Variants in VIPR2 observed in about 807,000 individuals in gnomAD.
VIPR2 encodes vasoactive intestinal peptide receptor 2.
Under a neutral mutation model 58.0 loss-of-function variants are expected in VIPR2, and 48 were observed. The observed-to-expected ratio is 0.83, with a 90% confidence interval of 0.66 to 1.05. The LOEUF (loss-of-function observed/expected upper bound fraction) is 1.05. Among genes scored for constraint, VIPR2 ranks in the 50% least tolerant of loss-of-function variants. The pLI is 0.00. For synonymous variants in VIPR2, 243 were observed against 235.2 expected (o/e 1.03, Z -0.30); for missense variants, 534 against 558.0 (o/e 0.96, Z 0.43).
Position 159,134,802 on chromosome 7 carries a change from C to A in VIPR2, c.151+7644G>T, listed in dbSNP as rs560510330. On this transcript the variant is annotated intron_variant, in intron 2 of 12. Coordinates refer to ENST00000262178, the MANE Select transcript of VIPR2 (RefSeq NM_003382.5). Reference sequence around the variant, plus strand: ...CCTCCTGAGTAGCTGGGACTAGAGGCGCCCGCCACCACGCCCGGCTAATTT... The same window carrying A: ...CCTCCTGAGTAGCTGGGACTAGAGGAGCCCGCCACCACGCCCGGCTAATTT... Among the ~76,000 whole-genome samples, 4 of 151,752 alleles carry A rather than the reference C, an allele frequency of 2.6e-5. No individual in the cohort carries two copies. The South Asian group carries it at 6.2e-4, about 24-fold the overall frequency.
rs1487014358 is a variant in VIPR2, at chr7:159,097,457, C to T, written c.357+6300G>A. Among the ~76,000 whole-genome samples the T allele has an allele frequency of 6.6e-6, 1 of 152,136 alleles. No individual in the cohort carries two copies. The highest frequency in any genetic ancestry group is 2.4e-5 in the African/African-American group (1 of 41,434). Reference sequence around the variant, plus strand: ...GCCCACCACGGTGTGCTGCTGAGGCCATTCCCGGGAACGCCACACTCCGCC... The same window carrying T: ...GCCCACCACGGTGTGCTGCTGAGGCTATTCCCGGGAACGCCACACTCCGCC... On this transcript the variant is annotated intron_variant, in intron 4 of 12. Coordinates refer to ENST00000262178, the MANE Select transcript of VIPR2 (RefSeq NM_003382.5). This position sits in a 1 kb window ranked among gnomAD's most constrained non-coding sequence, Gnocchi z 5.3.
chr7:159,139,335 C>T (rs775823943), intron 2 of VIPR2, among the ~76,000 whole-genome samples: 3 of 152,174 alleles, frequency 2.0e-5, no homozygotes, highest in Non-Finnish European at 2.9e-5. Flanking sequence ...TGCACTGCAT[C>T]GGAGGGGGCC....
At chr7:159,071,354 C>T (rs888630404) in intron 4 of VIPR2, among the ~76,000 whole-genome samples, 3 of 152,242 alleles carry the variant, frequency 2.0e-5, no homozygotes, top group Non-Finnish European at 4.4e-5. Context: ...GGCTTCCTTC[C>T]TCCTGGGTCC....
chr7:159,123,960 A>C (rs1166235252), intron 2 of VIPR2, among the ~76,000 whole-genome samples: 3 of 152,052 alleles, frequency 2.0e-5, no homozygotes, highest in African/African-American at 7.2e-5. Context: ...CTTTTGAAAA[A>C]TGTCTGTTCA....
At chr7:159,142,696 G>A (rs775110629) in intron 1 of VIPR2, 151 bp from the exon 2 acceptor site, 10 of 543,108 alleles carry the variant, frequency 1.8e-5, no homozygotes, top group Non-Finnish European at 3.2e-5. Context: ...TGATTTTTCT[G>A]GCATTTTTTA....
intron 4 of VIPR2, among the ~76,000 whole-genome samples, chr7:159,091,326 C>T (rs1436827613): frequency 5.3e-5 from 8 of 152,206 alleles, no homozygotes; most frequent in South Asian, 2.1e-4. Flanking sequence ...CCTTCTGAGC[C>T]GTGTCCCTGT....
Position 159,093,303 on chromosome 7 carries a change from G to T in VIPR2, c.357+10454C>A, listed in dbSNP as rs940476711. ...AACGTCAACACAGGAGGCTGGTCTC[G>T]TCCATCTTCTCAGAGGTCATCCTTC... On this transcript the variant is annotated intron_variant, in intron 4 of 12. Coordinates refer to ENST00000262178, the MANE Select transcript of VIPR2 (RefSeq NM_003382.5). The surrounding 1 kb of genome is among the most constrained non-coding windows in gnomAD (Gnocchi z 6.7). Among the ~76,000 whole-genome samples, 1 of 152,136 alleles carries T rather than the reference G, an allele frequency of 6.6e-6. No homozygotes were observed. The highest frequency in any genetic ancestry group is 2.4e-5 in the African/African-American group (1 of 41,434).
intron 4 of VIPR2, among the ~76,000 whole-genome samples, chr7:159,062,212 T>C (rs1855720764): frequency 1.3e-5 from 2 of 152,180 alleles, no homozygotes; most frequent in African/African-American, 4.8e-5. Context: ...GGGTTCAGCC[T>C]GAGCCCCGGC....
chr7:159,058,369 T>C, intron 5 of VIPR2, 112 bp downstream of exon 5: 2 of 779,300 alleles, frequency 2.6e-6, no homozygotes, highest in Non-Finnish European at 2.2e-6. Flanking sequence ...TCCATGGGAG[T>C]CTTATTGGCT....
At chr7:159,076,307 G>A (rs1310862527) in intron 4 of VIPR2, among the ~76,000 whole-genome samples, 1 of 152,200 alleles carries the variant, frequency 6.6e-6, no homozygotes, top group Non-Finnish European at 1.5e-5. Context: ...AGATAGATCA[G>A]CTTAGGGGTG....
Position 159,058,672 on chromosome 7 carries a change from T to C in VIPR2, c.358-94A>G, listed in dbSNP as rs1585381986. ...AGGATCCAGCCCTGTGCTCTGGCCATGAAGGACTCTTGCCTGCCTGGAAGG... is the reference window on the plus strand; with the variant it reads ...AGGATCCAGCCCTGTGCTCTGGCCACGAAGGACTCTTGCCTGCCTGGAAGG... On this transcript the variant is annotated intron_variant, in intron 4 of 12. Coordinates refer to ENST00000262178, the MANE Select transcript of VIPR2 (RefSeq NM_003382.5). The C allele has an allele frequency of 4.2e-6, 4 of 949,366 alleles. No individual in the cohort carries two copies. In the East Asian group the frequency reaches 9.7e-5, roughly 23 times the overall value. The allele number at this position is 949,366 out of a possible 1,614,324, so 58.8% of individuals were successfully genotyped here. A position where few individuals can be genotyped will look rare whatever the true frequency, so the allele number is the denominator to read the frequency against.
chr7:159,123,288 TAAAAAAAAAAAA>T (rs370294230), intron 2 of VIPR2, among the ~76,000 whole-genome samples: 4 of 72,870 alleles, frequency 5.5e-5, no homozygotes, highest in Non-Finnish European at 9.6e-5. Flanking sequence ...CAAGACTCTG[TAAAAAAAAAAAA>T]AAAAAAAAAA....
chr7:159,040,831 C>G (rs898716725), intron 6 of VIPR2, among the ~76,000 whole-genome samples: 12 of 152,242 alleles, frequency 7.9e-5, no homozygotes, highest in Admixed American at 6.5e-5. Flanking sequence ...AGGGAAGACC[C>G]AGCTTGGCTC....
chr7:159,097,703 C>T lies in VIPR2; in HGVS notation c.357+6054G>A, dbSNP rs147733559. 3.0e-4 allele frequency among the ~76,000 whole-genome samples: 45 copies of T among 152,336 alleles called. No individual in the cohort carries two copies. The highest frequency in any genetic ancestry group is 1.0e-3 in the African/African-American group (42 of 41,586). On this transcript the variant is annotated intron_variant, in intron 4 of 12. Transcript: ENST00000262178. The surrounding 1 kb of genome is among the most constrained non-coding windows in gnomAD (Gnocchi z 5.3). ...CTTTTCAGTGCCTTGTTTCAAGAAA[C>T]AGGCTTGAAGAGGCACCTTTCAGAA...
At chr7:159,064,109 G>C (rs534974338) in intron 4 of VIPR2, among the ~76,000 whole-genome samples, 25 of 150,252 alleles carry the variant, frequency 1.7e-4, no homozygotes, top group African/African-American at 6.1e-4. Flanking sequence ...CCTCTCATGT[G>C]ATTCTGGATG....
At position 159,030,321 on chromosome 7, in the gene VIPR2, C is replaced by T. The variant is rs1276801026; in HGVS notation, c.*295G>A. 2 of 256,328 alleles carry T rather than the reference C, an allele frequency of 7.8e-6. No individual in the cohort carries two copies. Among genetic ancestry groups the T allele is most frequent in the African/African-American group, 2.8e-5 (1 of 36,062 alleles). 15.9% of individuals were successfully genotyped at this position (256,328 alleles called of 1,614,324 possible). A position where few individuals can be genotyped will look rare whatever the true frequency, so the allele number is the denominator to read the frequency against. ...TCAGGCCACTGCAGTCCAGCCTGGG[C>T]GACAGAGCGAGACTCCGTCTCAAAA... On this transcript the variant is annotated 3_prime_UTR_variant, in exon 13 of 13. Coordinates refer to ENST00000262178, the MANE Select transcript of VIPR2 (RefSeq NM_003382.5).
At chr7:159,034,343 G>A (rs1308336212) in intron 9 of VIPR2, 39 bp from the exon 10 acceptor site, 3 of 1,599,838 alleles carry the variant, frequency 1.9e-6, no homozygotes, top group African/African-American at 2.7e-5. Flanking sequence ...CAGACACGTG[G>A]ATCCCTAATT....
chr7:159,103,328 G>A (rs1169318065), intron 4 of VIPR2, among the ~76,000 whole-genome samples: 1 of 152,202 alleles, frequency 6.6e-6, no homozygotes, highest in African/African-American at 2.4e-5. Context: ...CACATCTCCT[G>A]CTGCAGGCTC....
rs1316090295 is a variant in VIPR2, at chr7:159,095,810, TTC to T, written c.357+7945_357+7946del. ...AGGTGAATCCCTTCAAAACTCTTCC[TTC>T]TCTCTTTTTTTTTTAAGTCTTTAAC... is the stretch of plus-strand genomic sequence containing the variant. On this transcript the variant is annotated intron_variant, in intron 4 of 12. Coordinates refer to ENST00000262178, the MANE Select transcript of VIPR2 (RefSeq NM_003382.5). The surrounding 1 kb of genome is among the most constrained non-coding windows in gnomAD (Gnocchi z 5.2). 2.3e-5 allele frequency among the ~76,000 whole-genome samples: 3 copies of T among 130,726 alleles called. No individual in the cohort carries two copies. The highest frequency in any genetic ancestry group is 4.7e-5 in the Non-Finnish European group (3 of 63,886). 85.8% of individuals were successfully genotyped at this position (130,726 alleles called of 152,430 possible).
Sources: gnomAD v4.1 joint callset for allele counts (sites outside exome capture counted in the v4.1 genomes callset) on GRCh38, gnomAD v4.1.1 for gene constraint, Gnocchi (gnomAD v3.1) non-coding constraint, MANE v1.5 for transcripts, NCBI Gene and HGNC (gene_info 2026-07-23, HGNC 2026-07-21) for gene names.